The following ZNF618 variants were observed in gnomAD, a reference collection of about 807,000 sequenced individuals.
ZNF618 encodes neural precursor cell expressed, developmentally down-regulated 10.
A neutral mutation model predicts 103.0 loss-of-function variants in ZNF618; 34 were observed. That is an observed-to-expected ratio of 0.33 (90% CI 0.25 to 0.44). ZNF618 has a LOEUF of 0.44. ZNF618 is among the 20% of genes least tolerant of loss of function. The pLI is 1.00. For synonymous variants in ZNF618, 551 were observed against 542.2 expected (o/e 1.02, Z -0.23); for missense variants, 1,059 against 1,295.4 (o/e 0.82, Z 2.80).
chr9:114,029,959 G>C (rs1843860761), intron 11 of ZNF618, among the ~76,000 whole-genome samples: 1 of 152,236 alleles, frequency 6.6e-6, no homozygotes, highest in East Asian at 1.9e-4. Context: ...CCAGCCCTGG[G>C]CCACCTGCCG....
Position 113,951,587 on chromosome 9 carries a change from G to A in ZNF618, c.34-17530G>A, listed in dbSNP as rs377619116. Reference sequence around the variant, plus strand: ...TATGTGTGTGTGTATATGTGTGTGTGTGTGTGTGTGTATATATATGTATAT... The same window carrying A: ...TATGTGTGTGTGTATATGTGTGTGTATGTGTGTGTGTATATATATGTATAT... On this transcript the variant is annotated intron_variant, in intron 1 of 14. Transcript: ENST00000374126. Among the ~76,000 whole-genome samples the A allele has an allele frequency of 4.1e-3, 279 of 68,498 alleles. 11 individuals are homozygous for A. The highest frequency in any genetic ancestry group is 0.012 in the African/African-American group (257 of 21,664). 44.9% of individuals were successfully genotyped at this position (68,498 alleles called of 152,430 possible). A position where few individuals can be genotyped will look rare whatever the true frequency, so the allele number is the denominator to read the frequency against.
chr9:114,039,157 A>G (rs554491036), intron 13 of ZNF618, among the ~76,000 whole-genome samples: 1 of 152,234 alleles, frequency 6.6e-6, no homozygotes, highest in South Asian at 2.1e-4. Flanking sequence ...ACCCTGATGG[A>G]AGGTTAGCAG....
At chr9:113,987,565 C>G (rs1310118922) in intron 2 of ZNF618, among the ~76,000 whole-genome samples, 1 of 152,184 alleles carries the variant, frequency 6.6e-6, no homozygotes, top group Non-Finnish European at 1.5e-5. Context: ...TGGACAAGAT[C>G]CCAAGCCTTC....
At chr9:113,993,834 C>T (rs961592948) in intron 3 of ZNF618, among the ~76,000 whole-genome samples, 30 of 152,300 alleles carry the variant, frequency 2.0e-4, no homozygotes, top group African/African-American at 7.2e-4. Flanking sequence ...TTGCAAGGTG[C>T]GCATGGAGCA....
chr9:113,894,832 C>T lies in ZNF618; in HGVS notation c.33+18419C>T, dbSNP rs374982470. Among the ~76,000 whole-genome samples, 36 of 152,168 alleles carry T rather than the reference C, an allele frequency of 2.4e-4. 1 individual carries two copies. The highest frequency in any genetic ancestry group is 8.7e-4 in the African/African-American group (36 of 41,512). ...GTTAGTGGATAATTTATTGTATTAC[C>T]TTCTTAGTTCCAACAGTTTCTTGTG... is the stretch of plus-strand genomic sequence containing the variant. On this transcript the variant is annotated intron_variant, in intron 1 of 14. Transcript: ENST00000374126.
intron 9 of ZNF618, among the ~76,000 whole-genome samples, chr9:114,009,286 G>A (rs1456874060): frequency 2.0e-5 from 3 of 152,170 alleles, no homozygotes. Context: ...GACGAGGGTA[G>A]GGGATGAGCC....
At chr9:113,962,428 TA>T (rs1254730632) in intron 1 of ZNF618, among the ~76,000 whole-genome samples, 1 of 152,208 alleles carries the variant, frequency 6.6e-6, no homozygotes, top group African/African-American at 2.4e-5. Flanking sequence ...GTGATCTTTC[TA>T]AAATGTAAGT....
chr9:113,887,600 C>A (rs139551445), intron 1 of ZNF618, among the ~76,000 whole-genome samples: 1 of 152,260 alleles, frequency 6.6e-6, no homozygotes, highest in East Asian at 1.9e-4. Flanking sequence ...GTGTCTGCTT[C>A]CTGTAATGAT....
chr9:113,984,813 C>G (rs574209507), intron 2 of ZNF618, among the ~76,000 whole-genome samples: 1 of 152,196 alleles, frequency 6.6e-6, no homozygotes, highest in African/African-American at 2.4e-5. Flanking sequence ...CTTTACCCCC[C>G]GGCTTGAATG....
At chr9:113,921,695 C>T (rs568204794) in intron 1 of ZNF618, among the ~76,000 whole-genome samples, 2 of 152,344 alleles carry the variant, frequency 1.3e-5, no homozygotes, top group South Asian at 4.1e-4. Context: ...TTCTGTTCTT[C>T]TCAGGGGAAA....
At chr9:114,018,972 A>G (rs1057397284) in intron 10 of ZNF618, among the ~76,000 whole-genome samples, 8 of 152,162 alleles carry the variant, frequency 5.3e-5, no homozygotes, top group Admixed American at 3.9e-4. Context: ...TTGTGGAGGC[A>G]GGGGCTGGAC....
intron 13 of ZNF618, among the ~76,000 whole-genome samples, chr9:114,043,923 T>G (rs1845433149): frequency 6.6e-6 from 1 of 152,260 alleles, no homozygotes; most frequent in Admixed American, 6.5e-5. Flanking sequence ...CTGATTTGTT[T>G]GAGTTCTTCA....
chr9:113,888,186 AC>A (rs1410044447), intron 1 of ZNF618, among the ~76,000 whole-genome samples: 1 of 152,218 alleles, frequency 6.6e-6, no homozygotes, highest in Non-Finnish European at 1.5e-5. Flanking sequence ...GTTGAATCTT[AC>A]CATTCCCGTT....
intron 1 of ZNF618, among the ~76,000 whole-genome samples, chr9:113,916,524 C>T (rs536351098): frequency 6.6e-6 from 1 of 152,286 alleles, no homozygotes; most frequent in Non-Finnish European, 1.5e-5. Context: ...AGGTTGGGAG[C>T]TGTCCCGTGG....
chr9:113,947,084 G>T (rs1381053312), intron 1 of ZNF618, among the ~76,000 whole-genome samples: 7 of 152,178 alleles, frequency 4.6e-5, no homozygotes, highest in Non-Finnish European at 7.3e-5. Context: ...ACCATTGACA[G>T]AAGTCATGAG....
chr9:113,971,089 G>A (rs765623842), intron 2 of ZNF618, among the ~76,000 whole-genome samples: 5 of 151,378 alleles, frequency 3.3e-5, no homozygotes, highest in East Asian at 1.9e-4. Flanking sequence ...GCTGCCCAGC[G>A]TTTTGTGTTT....
intron 1 of ZNF618, among the ~76,000 whole-genome samples, chr9:113,913,104 A>G (rs1049168541): frequency 2.0e-5 from 3 of 151,972 alleles, no homozygotes; most frequent in African/African-American, 7.2e-5. Context: ...AGCAGAGTGG[A>G]TTTCACCAGG....
intron 1 of ZNF618, among the ~76,000 whole-genome samples, chr9:113,947,746 C>G (rs560875037): frequency 9.6e-4 from 146 of 152,316 alleles, no homozygotes; most frequent in African/African-American, 3.1e-3. Flanking sequence ...TCTCCCCCAG[C>G]CTTTTAGAAT....
chr9:113,928,640 T>G (rs756578236), intron 1 of ZNF618, among the ~76,000 whole-genome samples: 2 of 152,206 alleles, frequency 1.3e-5, no homozygotes, highest in Non-Finnish European at 2.9e-5. Flanking sequence ...TTTTCTTTGT[T>G]TTTTGTTTTC....
Sources: gnomAD v4.1 joint callset for allele counts (sites outside exome capture counted in the v4.1 genomes callset) on GRCh38, gnomAD v4.1.1 for gene constraint, MANE v1.5 for transcripts, NCBI Gene and HGNC (gene_info 2026-07-23, HGNC 2026-07-21) for gene names.